Variants in NAPSA observed in about 807,000 individuals in gnomAD.
NAPSA encodes the protein napsin A aspartic peptidase.
Under a neutral mutation model 36.7 loss-of-function variants are expected in NAPSA, and 37 were observed. The ratio of observed to expected loss-of-function variants is 1.01; its 90% confidence interval spans 0.78 to 1.33. The LOEUF is 1.33. Among genes scored for constraint, NAPSA ranks in the 40% most tolerant of loss-of-function variants. The pLI is 0.00. For synonymous variants in NAPSA, 222 were observed against 234.5 expected (o/e 0.95, Z 0.49); for missense variants, 532 against 543.8 (o/e 0.98, Z 0.21).
intron 1 of NAPSA, among the ~76,000 whole-genome samples, chr19:50,364,190 TCAC>T (rs1271721325): frequency 3.3e-5 from 5 of 151,552 alleles, no homozygotes; most frequent in Admixed American, 2.6e-4. Context: ...GCATGGTGAC[TCAC>T]GCCTGTAATC....
chr19:50,361,970 G>C lies in NAPSA; in HGVS notation c.348C>G (p.Cys116Trp). Residue 116 changes from cysteine to tryptophan, a missense_variant and splice_region_variant, in exon 3 of 9, where the codon TGC becomes TGG. Cys to Trp is a radical substitution (Grantham distance 215, BLOSUM62 -2). Around this residue, in one of 3 missense-constraint regions of NAPSA, gnomAD observed 45 missense variants for 78.7 expected, o/e 0.57. Transcript: ENST00000253719. ...TTATTCTCCCACATAGAAGCTCACA[G>C]CAGGGCACACTGAAGAAGTGGCATC... is the stretch of plus-strand genomic sequence containing the variant. The part of the protein sequence containing the change: ...SRRCHFFSVP[C>W]WLHHRFDPKA... 6.3e-7 allele frequency: 1 copy of C among 1,594,564 alleles called. No homozygotes were observed. The highest frequency in any genetic ancestry group is 1.1e-5 in the South Asian group (1 of 88,934).
intron 1 of NAPSA, among the ~76,000 whole-genome samples, chr19:50,364,234 C>T (rs934140723): frequency 1.4e-5 from 2 of 147,872 alleles, no homozygotes; most frequent in African/African-American, 5.0e-5. Context: ...AGAATGGTGT[C>T]AGCCTGGGAG....
At chr19:50,364,277 T>C in intron 1 of NAPSA, among the ~76,000 whole-genome samples, 1 of 138,336 alleles carries the variant, frequency 7.2e-6, no homozygotes, top group Non-Finnish European at 1.5e-5. Flanking sequence ...ATCGCGCCAT[T>C]GCACTCCAGC....
At chr19:50,366,646 GTTATTTATTTATTTATTTATTTAT>G (rs56341915), upstream of NAPSA, among the ~76,000 whole-genome samples, 1 of 144,944 alleles carries the variant, frequency 6.9e-6, no homozygotes. Context: ...GCATTGATGA[GTTATTTATTTATTTATTTATTTAT>G]TTATTTATTT....
At chr19:50,363,709 G>A (rs567778839) in intron 1 of NAPSA, among the ~76,000 whole-genome samples, 2 of 152,178 alleles carry the variant, frequency 1.3e-5, no homozygotes, top group African/African-American at 4.8e-5. Flanking sequence ...GACCATGGGT[G>A]TGCACCACCA....
In NAPSA at chr19:50,359,553, TCTC is replaced by T. The variant is rs2037443457; in HGVS notation, c.883_885del (p.Glu295del). The T allele has an allele frequency of 6.2e-7, 1 of 1,614,102 alleles. No homozygotes were observed. Among genetic ancestry groups the T allele is most frequent in the East Asian group, 2.2e-5 (1 of 44,884 alleles). Reference sequence around the variant, plus strand: ...CCAATGGCTGCATGCAGGGCCCGGATCTCCTCAGTGGGTCCTGTGATGAGGGAC... The same window carrying T: ...CCAATGGCTGCATGCAGGGCCCGGATCTCAGTGGGTCCTGTGATGAGGGAC... On this transcript the variant is annotated inframe_deletion, in exon 7 of 9. Transcript: ENST00000253719.
chr19:50,366,585 G>C (rs775793168), upstream of NAPSA, among the ~76,000 whole-genome samples: 3 of 152,060 alleles, frequency 2.0e-5, no homozygotes, highest in Non-Finnish European at 4.4e-5. Flanking sequence ...GTTTGGTAAG[G>C]TCATTTATTC....
chr19:50,359,654 G>A lies in NAPSA; in HGVS notation c.792-7C>T, dbSNP rs1303504537. On this transcript the variant is annotated splice_region_variant and splice_polypyrimidine_tract_variant and intron_variant, in intron 6 of 8. Coordinates refer to ENST00000253719, the MANE Select transcript of NAPSA (RefSeq NM_004851.3). ...CCCTGGGCCCACCTTCACACTGAGGGGGAAGGAGGCAGTCATCAGAGGCAG... is the reference window on the plus strand; with the variant it reads ...CCCTGGGCCCACCTTCACACTGAGGAGGAAGGAGGCAGTCATCAGAGGCAG... The A allele has an allele frequency of 6.2e-7, 1 of 1,614,246 alleles. No individual in the cohort carries two copies. The highest frequency in any genetic ancestry group is 1.1e-5 in the South Asian group (1 of 91,092).
intron 1 of NAPSA, 44 bp downstream of exon 1, chr19:50,365,495 G>C: frequency 6.3e-7 from 1 of 1,585,470 alleles, no homozygotes; most frequent in African/African-American, 1.3e-5. Context: ...GCAAGAGGCA[G>C]AAAATCCCTC....
chr19:50,367,186 G>GT (rs556549556), upstream of NAPSA, among the ~76,000 whole-genome samples: 82 of 152,270 alleles, frequency 5.4e-4, no homozygotes, highest in African/African-American at 1.9e-3. Context: ...GTCTAGCCTG[G>GT]TCTCAAACTC....
upstream of NAPSA, chr19:50,365,751 G>A (rs978483337): frequency 3.0e-5 from 21 of 693,840 alleles, no homozygotes; most frequent in East Asian, 5.1e-4. Flanking sequence ...CGCAGGTGAC[G>A]CAGTGGGACA....
intron 3 of NAPSA, 82 bp from the exon 4 acceptor site, chr19:50,361,863 G>A: frequency 1.2e-6 from 2 of 1,602,102 alleles, no homozygotes; most frequent in Middle Eastern, 1.8e-4. Flanking sequence ...GACCTGTGAG[G>A]GCATGATAAA....
chr19:50,365,010 TAAA>T (rs1227130965), intron 1 of NAPSA, among the ~76,000 whole-genome samples: 1 of 130,506 alleles, frequency 7.7e-6, no homozygotes, highest in East Asian at 2.1e-4. Flanking sequence ...ATAATAATAA[TAAA>T]TAATAATAAT....
At chr19:50,363,159 C>T (rs969113069) in intron 1 of NAPSA, among the ~76,000 whole-genome samples, 6 of 152,326 alleles carry the variant, frequency 3.9e-5, no homozygotes, top group African/African-American at 1.2e-4. Context: ...ACATCACTCA[C>T]ACCTTTCCCG....
chr19:50,359,968 A>C (rs2037451558), intron 5 of NAPSA, 106 bp from the exon 6 acceptor site: 2 of 1,467,580 alleles, frequency 1.4e-6, no homozygotes, highest in Admixed American at 4.1e-5. Context: ...TTGTTTCTGG[A>C]GTTCCTACGG....
intron 2 of NAPSA, 34 bp from the exon 3 acceptor site, chr19:50,362,126 T>C: frequency 6.2e-7 from 1 of 1,613,610 alleles, no homozygotes; most frequent in Non-Finnish European, 8.5e-7. Flanking sequence ...ACGAAGAGTT[T>C]GGCTCAAGGG....
In NAPSA at chr19:50,358,735, G is replaced by C; in HGVS notation, c.1081C>G (p.Leu361Val). 1 of 1,613,486 alleles carries C rather than the reference G, an allele frequency of 6.2e-7. No individual in the cohort carries two copies. The change falls in exon 9 of 9, where the codon CTG (leucine) becomes GTG (valine). Residue 361 changes from leucine (L) to valine (V), a missense_variant. Transcript: ENST00000253719. ...GGCCCTGCAGGCGGAGGGACATCCAGGGCCTGGAAACCGGACAAGCAGAGG... is the reference window on the plus strand; with the variant it reads ...GGCCCTGCAGGCGGAGGGACATCCACGGCCTGGAAACCGGACAAGCAGAGG... The part of the protein sequence containing the change: ...VRLCLSGFQA[L>V]DVPPPAGPFW...
chr19:50,366,342 C>T (rs1055199688), upstream of NAPSA, among the ~76,000 whole-genome samples: 9 of 151,960 alleles, frequency 5.9e-5, no homozygotes, highest in East Asian at 5.8e-4. Context: ...TCAGGTGATC[C>T]GCCCGCCTCA....
rs777493684 is a variant in NAPSA, at chr19:50,359,550, G to A, written c.889C>T (p.Arg297Trp). The A allele has an allele frequency of 2.7e-5, 44 of 1,614,220 alleles. No homozygotes were observed. The highest frequency in any genetic ancestry group is 3.6e-5 in the Non-Finnish European group (42 of 1,180,042). The part of the protein sequence containing the change: ...SLITGPTEEI[R>W]ALHAAIGGIP... ...CCCCCAATGGCTGCATGCAGGGCCC[G>A]GATCTCCTCAGTGGGTCCTGTGATG... The change falls in exon 7 of 9, where the codon CGG becomes TGG. Residue 297 changes from arginine (R) to tryptophan (W), a missense_variant. Physicochemically the swap from Arg to Trp is moderately radical, Grantham distance 101. Coordinates refer to ENST00000253719, the MANE Select transcript of NAPSA (RefSeq NM_004851.3).
Sources: allele counts gnomAD v4.1 joint callset (sites outside exome capture counted in the v4.1 genomes callset), GRCh38; gene constraint gnomAD v4.1.1; regional missense constraint gnomAD v4.1.1; transcripts MANE v1.5; gene names NCBI Gene and HGNC (gene_info 2026-07-23, HGNC 2026-07-21).